Variants in TRIP12 observed in about 807,000 individuals in gnomAD.
The protein encoded by TRIP12 is thyroid hormone receptor interactor 12, also known as E3 ubiquitin-protein ligase TRIP12.
TRIP12 carries 25 observed loss-of-function variants against 244.2 expected under a neutral mutation model. The observed-to-expected ratio is 0.10, with a 90% CI of 0.07 to 0.14. The LOEUF (loss-of-function observed/expected upper bound fraction) is 0.14. TRIP12 is among the 10% of genes least tolerant of loss of function. The pLI is 1.00. For synonymous variants in TRIP12, 905 were observed against 873.1 expected (o/e 1.04, Z -0.64); for missense variants, 1,677 against 2,486.4 (o/e 0.67, Z 6.92).
chr2:229,821,178 A>C (rs2049958807), intron 8 of TRIP12, among the ~76,000 whole-genome samples: 2 of 152,264 alleles, frequency 1.3e-5, no homozygotes, highest in Admixed American at 6.5e-5. Flanking sequence ...GCAGTGAAAA[A>C]CACAATGATT....
At chr2:229,788,009 G>A (rs1043698385) in intron 32 of TRIP12, among the ~76,000 whole-genome samples, 1 of 152,054 alleles carries the variant, frequency 6.6e-6, no homozygotes, top group African/African-American at 2.4e-5. Context: ...CACCATGTTG[G>A]CCAGGCTGGT....
At chr2:229,864,820 T>C (rs1034354103) in intron 2 of TRIP12, among the ~76,000 whole-genome samples, 3 of 152,200 alleles carry the variant, frequency 2.0e-5, no homozygotes, top group Non-Finnish European at 2.9e-5. Context: ...AAGATCATTA[T>C]GTGCTTTCAA....
chr2:229,886,684 C>T (rs2066098439), intron 1 of TRIP12, among the ~76,000 whole-genome samples: 1 of 152,152 alleles, frequency 6.6e-6, no homozygotes, highest in Admixed American at 6.5e-5. Flanking sequence ...CCAGGCTGTT[C>T]TCAAACTCTT....
At chr2:229,865,958 A>C (rs2061445570) in intron 2 of TRIP12, among the ~76,000 whole-genome samples, 1 of 152,220 alleles carries the variant, frequency 6.6e-6, no homozygotes, top group South Asian at 2.1e-4. Flanking sequence ...CTAAACAGCA[A>C]AAATACTGCC....
chr2:229,815,824 TAA>T (rs2048362616), intron 9 of TRIP12, among the ~76,000 whole-genome samples: 1 of 152,188 alleles, frequency 6.6e-6, no homozygotes, highest in African/African-American at 2.4e-5. Flanking sequence ...AATTTAAACA[TAA>T]GATAGATCAC....
rs572219536 is a variant in TRIP12, at chr2:229,794,361, G to A, written c.3968+818C>T. Among the ~76,000 whole-genome samples the A allele has an allele frequency of 2.0e-5, 3 of 152,260 alleles. No individual in the cohort carries two copies. The South Asian group carries it at 6.2e-4, about 32-fold the overall frequency. ...GCAGGAGGATCACTTGGGCCCAAGA[G>A]TTTGAGACCAGCCTGGGCAACAAAG... On this transcript the variant is annotated intron_variant, in intron 26 of 41. Transcript: ENST00000675903.
chr2:229,857,184 C>A (rs112874439), intron 4 of TRIP12, among the ~76,000 whole-genome samples: 1 of 152,088 alleles, frequency 6.6e-6, no homozygotes, highest in Non-Finnish European at 1.5e-5. Flanking sequence ...AACATTATAG[C>A]CCTACCCAAA....
intron 2 of TRIP12, among the ~76,000 whole-genome samples, chr2:229,862,349 A>G (rs1027430034): frequency 3.9e-5 from 6 of 152,120 alleles, no homozygotes; most frequent in African/African-American, 7.2e-5. Flanking sequence ...AAATGAGACT[A>G]TTTTTCAAAT....
chr2:229,828,628 G>C lies in TRIP12; in HGVS notation c.1450+565C>G, dbSNP rs192818225. ...TCTACTAAAAATACAAAAATTAGCC[G>C]GGCTTGATGGCACACACCTGTAATC... On this transcript the variant is annotated intron_variant, in intron 8 of 41. Transcript: ENST00000675903. Among the ~76,000 whole-genome samples the C allele has an allele frequency of 5.3e-5, 8 of 151,964 alleles. No homozygotes were observed. The East Asian group carries it at 1.4e-3, about 26-fold the overall frequency.
intron 1 of TRIP12, among the ~76,000 whole-genome samples, chr2:229,913,770 T>G (rs1187818737): frequency 3.3e-5 from 5 of 152,192 alleles, no homozygotes; most frequent in Non-Finnish European, 5.9e-5. Flanking sequence ...GGAAGCCTTG[T>G]GCTAGACACT....
intron 1 of TRIP12, among the ~76,000 whole-genome samples, chr2:229,900,072 T>C (rs17324625): frequency 6.6e-6 from 1 of 152,038 alleles, no homozygotes; most frequent in Non-Finnish European, 1.5e-5. Flanking sequence ...TTGCACAAAA[T>C]AACTTCAAAG....
chr2:229,768,582 T>C (rs1000257310), intron 41 of TRIP12, 34 bp downstream of exon 41: 9 of 1,597,238 alleles, frequency 5.6e-6, no homozygotes, highest in Admixed American at 1.8e-5. Flanking sequence ...CACCCATAGG[T>C]AGAATAAATG....
Position 229,766,429 on chromosome 2 carries a change from T to C in TRIP12, c.*1125A>G, listed in dbSNP as rs1460940898. 1 of 152,198 alleles carries C rather than the reference T, an allele frequency of 6.6e-6. No homozygotes were observed. Among genetic ancestry groups the C allele is most frequent in the Admixed American group, 6.5e-5 (1 of 15,278 alleles). 9.4% of individuals were successfully genotyped at this position (152,198 alleles called of 1,614,324 possible). On this transcript the variant is annotated 3_prime_UTR_variant, in exon 42 of 42. Coordinates refer to ENST00000675903, the MANE Select transcript of TRIP12 (RefSeq NM_001348323.3). ...CAGGTAAAAACATTAACCTGATGGA[T>C]TATTGCAGATTTGAGAAATCAGCAC... is the stretch of plus-strand genomic sequence containing the variant.
At position 229,796,702 on chromosome 2, in the gene TRIP12, A is replaced by G. The variant is rs376179567; in HGVS notation, c.3705T>C (p.His1235=). The change falls in exon 25 of 42, where the codon CAT becomes CAC. Residue 1235 remains histidine, a synonymous_variant. Transcript: ENST00000675903. ...GCAACAGCTGCTTCACAAATCCACT[A>G]TGTTGGATTTCAAATGATGAAACAT... ...ESDVSSFEIQ[H]SGFVKQLLLY... is the part of the protein sequence containing the mutation. 17 of 1,612,208 alleles carry G rather than the reference A, an allele frequency of 1.1e-5. No homozygotes were observed. The African/African-American group carries it at 2.1e-4, about 20-fold the overall frequency.
chr2:229,796,606 T>A lies in TRIP12; in HGVS notation c.3801A>T (p.Val1267=). 1 of 1,590,764 alleles carries A rather than the reference T, an allele frequency of 6.3e-7. No homozygotes were observed. ...GATAACTTACTGGAGAAGAAAAAAA[T>A]ACATGAAGAAATCGCTTTAATCTGA... The part of the protein sequence containing the change: ...REIRLKRFLH[V]FFSSPLPGEE... Residue 1267 remains valine (V), a synonymous_variant, in exon 25 of 42, where the codon GTA becomes GTT. Transcript: ENST00000675903.
chr2:229,852,243 T>C (rs936809526), intron 4 of TRIP12, among the ~76,000 whole-genome samples: 3 of 152,218 alleles, frequency 2.0e-5, no homozygotes, highest in Non-Finnish European at 4.4e-5. Flanking sequence ...ATAGAACATC[T>C]GCCTGGAAAT....
intron 6 of TRIP12, among the ~76,000 whole-genome samples, chr2:229,836,137 T>C (rs531281029): frequency 2.7e-4 from 41 of 152,298 alleles, no homozygotes; most frequent in Middle Eastern, 3.4e-3. Flanking sequence ...GTATCTGAAA[T>C]ATCTTTATTC....
chr2:229,807,629 A>G, intron 17 of TRIP12, 79 bp downstream of exon 17: 1 of 1,530,104 alleles, frequency 6.5e-7, no homozygotes, highest in Non-Finnish European at 9.1e-7. Context: ...TCAAATCCAC[A>G]TATCCACCTC....
chr2:229,853,283 A>T (rs2059040472), intron 4 of TRIP12, among the ~76,000 whole-genome samples: 1 of 152,162 alleles, frequency 6.6e-6, no homozygotes, highest in Non-Finnish European at 1.5e-5. Context: ...TTAGATTTTT[A>T]TTCTACTAAG....
Sources: allele counts gnomAD v4.1 joint callset (sites outside exome capture counted in the v4.1 genomes callset), GRCh38; gene constraint gnomAD v4.1.1; transcripts MANE v1.5; gene names NCBI Gene and HGNC (gene_info 2026-07-23, HGNC 2026-07-21).